C1orf105: variants seen among roughly 807,000 people sequenced by gnomAD.
The protein encoded by C1orf105 is uncharacterized protein C1orf105.
Under a neutral mutation model 20.8 loss-of-function variants are expected in C1orf105, and 17 were observed. The observed-to-expected ratio is 0.82, with a 90% CI of 0.56 to 1.23. C1orf105 has a LOEUF of 1.23. Ranked by LOEUF, C1orf105 falls within the 50% of genes most tolerant of loss-of-function variation. C1orf105 has a pLI of 0.00. For missense variants in C1orf105, 219 were observed against 213.5 expected (o/e 1.03, Z -0.16); for synonymous variants, 72 against 72.1 (o/e 1.00, Z 0.01).
At chr1:172,426,619 G>T (rs1215543293) in intron 1 of C1orf105, among the ~76,000 whole-genome samples, 3 of 149,650 alleles carry the variant, frequency 2.0e-5, no homozygotes, top group Admixed American at 6.7e-5. Context: ...CAATGATCTT[G>T]CTCTCCACTC....
At chr1:172,427,517 G>T (rs2071753406) in intron 1 of C1orf105, among the ~76,000 whole-genome samples, 1 of 152,014 alleles carries the variant, frequency 6.6e-6, no homozygotes, top group Non-Finnish European at 1.5e-5. Context: ...GTCTATACTT[G>T]CTGCTAAATT....
chr1:172,438,356 T>C (rs1573846728), intron 1 of C1orf105, among the ~76,000 whole-genome samples: 1 of 152,194 alleles, frequency 6.6e-6, no homozygotes, highest in East Asian at 1.9e-4. Flanking sequence ...GGTCAAAATA[T>C]CGACATTAAT....
At chr1:172,425,498 A>G (rs756190497) in intron 1 of C1orf105, among the ~76,000 whole-genome samples, 1 of 152,130 alleles carries the variant, frequency 6.6e-6, no homozygotes, top group African/African-American at 2.4e-5. Flanking sequence ...AGCAGGCCCA[A>G]CAAGCCTTCA....
chr1:172,429,239 CACACACACACACACACAG>C (rs1487409237), intron 1 of C1orf105, among the ~76,000 whole-genome samples: 19 of 151,908 alleles, frequency 1.3e-4, no homozygotes. Flanking sequence ...CACACACACA[CACACACACACACACACAG>C]ACACACACAC....
chr1:172,447,697 TA>T (rs1261726526), intron 2 of C1orf105, among the ~76,000 whole-genome samples: 1 of 152,244 alleles, frequency 6.6e-6, no homozygotes, highest in African/African-American at 2.4e-5. Context: ...TTGTTTTAAA[TA>T]AACAATGGAC....
intron 1 of C1orf105, among the ~76,000 whole-genome samples, chr1:172,439,140 G>T (rs1339534450): frequency 6.6e-6 from 1 of 152,134 alleles, no homozygotes; most frequent in African/African-American, 2.4e-5. Context: ...AAGTATGCCT[G>T]TATATAGACA....
chr1:172,436,902 AC>A (rs2072056457), intron 1 of C1orf105, among the ~76,000 whole-genome samples: 1 of 152,236 alleles, frequency 6.6e-6, no homozygotes, highest in East Asian at 1.9e-4. Flanking sequence ...CAAGAAAAAA[AC>A]AACCCCATCA....
chr1:172,454,845 T>A (rs1558141068), intron 3 of C1orf105, among the ~76,000 whole-genome samples: 1 of 152,244 alleles, frequency 6.6e-6, no homozygotes, highest in Non-Finnish European at 1.5e-5. Context: ...ATGTATAGGC[T>A]ACTGGATGGT....
At chr1:172,424,048 C>G (rs2071660001) in intron 1 of C1orf105, among the ~76,000 whole-genome samples, 2 of 152,222 alleles carry the variant, frequency 1.3e-5, no homozygotes, top group Non-Finnish European at 2.9e-5. Flanking sequence ...TAAGATCAGA[C>G]TAGGTGGCAG....
chr1:172,462,081 A>T (rs1649733561), intron 4 of C1orf105, 97 bp from the exon 5 acceptor site: 1 of 893,790 alleles, frequency 1.1e-6, no homozygotes, highest in Non-Finnish European at 1.8e-6. Context: ...AAGGACTTTG[A>T]CATCAAATAC....
chr1:172,435,363 G>A (rs371336049), intron 1 of C1orf105, among the ~76,000 whole-genome samples: 62 of 152,166 alleles, frequency 4.1e-4, no homozygotes, highest in African/African-American at 1.4e-3. Flanking sequence ...ACTGGCAAAT[G>A]GAATCCAGCA....
intron 1 of C1orf105, among the ~76,000 whole-genome samples, chr1:172,424,319 G>A (rs1461615922): frequency 6.6e-6 from 1 of 152,220 alleles, no homozygotes; most frequent in East Asian, 1.9e-4. Context: ...TACTAACAAA[G>A]TATTTTGATG....
At chr1:172,459,113 G>T (rs1353190941) in intron 4 of C1orf105, among the ~76,000 whole-genome samples, 1 of 152,086 alleles carries the variant, frequency 6.6e-6, no homozygotes, top group Non-Finnish European at 1.5e-5. Flanking sequence ...TAGGTATAAA[G>T]CTTCATGACC....
chr1:172,445,173 A>T lies in C1orf105; in HGVS notation c.107+15A>T. ...CTTCCCAGAAGGTAACCTCTCAGCC[A>T]CCGAGGGCAAAAGTTTTACGAAACA... On this transcript the variant is annotated intron_variant, in intron 2 of 6. Transcript: ENST00000367727. 6.3e-7 allele frequency: 1 copy of T among 1,595,852 alleles called. No individual in the cohort carries two copies.
intron 2 of C1orf105, among the ~76,000 whole-genome samples, chr1:172,445,838 GAA>G (rs1173144849): frequency 2.0e-5 from 3 of 152,158 alleles, no homozygotes; most frequent in African/African-American, 7.2e-5. Flanking sequence ...AGGGCAGAGA[GAA>G]AGAGAAAGGG....
intron 1 of C1orf105, among the ~76,000 whole-genome samples, chr1:172,434,810 GC>G (rs1297251518): frequency 2.0e-5 from 3 of 152,182 alleles, no homozygotes; most frequent in Non-Finnish European, 4.4e-5. Context: ...GAATCCAGGA[GC>G]TGGTTTTTTG....
At chr1:172,447,276 A>T (rs889233608) in intron 2 of C1orf105, among the ~76,000 whole-genome samples, 1 of 152,240 alleles carries the variant, frequency 6.6e-6, no homozygotes, top group Non-Finnish European at 1.5e-5. Context: ...AAATATGCTC[A>T]GAGTAATTCC....
intron 1 of C1orf105, among the ~76,000 whole-genome samples, chr1:172,425,334 G>A (rs2071695896): frequency 1.3e-5 from 2 of 152,100 alleles, no homozygotes; most frequent in African/African-American, 4.8e-5. Context: ...CCACCTCTGG[G>A]GAATTATCTC....
intron 1 of C1orf105, among the ~76,000 whole-genome samples, chr1:172,422,795 C>T (rs1467861439): frequency 6.6e-6 from 1 of 152,052 alleles, no homozygotes; most frequent in Non-Finnish European, 1.5e-5. Flanking sequence ...GCATCCAACA[C>T]ATGCTGGCAG....
Sources: allele counts gnomAD v4.1 joint callset (sites outside exome capture counted in the v4.1 genomes callset), GRCh38; gene constraint gnomAD v4.1.1; transcripts MANE v1.5; gene names NCBI Gene and HGNC (gene_info 2026-07-23, HGNC 2026-07-21).